KIF25: variants seen among roughly 807,000 people sequenced by gnomAD.
The protein encoded by KIF25 is kinesin family member 25, also known as kinesin-like protein KIF25.
KIF25 carries 19 observed loss-of-function variants against 32.9 expected under a neutral mutation model. The observed-to-expected ratio is 0.58, with a 90% confidence interval of 0.40 to 0.85. KIF25 has a LOEUF of 0.85. KIF25 is among the 40% of genes least tolerant of loss of function. KIF25 has a pLI of 0.00. For missense variants in KIF25, 485 were observed against 507.0 expected (o/e 0.96, Z 0.42); for synonymous variants, 225 against 213.7 (o/e 1.05, Z -0.46).
chr6:168,023,181 C>T (rs1340670078), intron 5 of KIF25, among the ~76,000 whole-genome samples: 1 of 152,108 alleles, frequency 6.6e-6, no homozygotes, highest in Non-Finnish European at 1.5e-5. Context: ...ATTGGTTCCT[C>T]AGCCTGGGTG....
chr6:168,003,457 G>T (rs556557061), intron 3 of KIF25, among the ~76,000 whole-genome samples, 157 bp from the exon 4 acceptor site: 11 of 149,416 alleles, frequency 7.4e-5, no homozygotes, highest in South Asian at 4.2e-4. Flanking sequence ...CAGAGACAGA[G>T]ATGATGGCAG....
At chr6:168,008,067 G>A (rs1408063885) in intron 4 of KIF25, among the ~76,000 whole-genome samples, 2 of 152,048 alleles carry the variant, frequency 1.3e-5, no homozygotes, top group African/African-American at 4.8e-5. Flanking sequence ...TATGGATTTG[G>A]CCTACCTTAT....
At chr6:168,044,796 C>G (rs1028586797) in intron 12 of KIF25, 31 bp from the exon 13 acceptor site, 2 of 1,555,118 alleles carry the variant, frequency 1.3e-6, no homozygotes, top group Non-Finnish European at 1.7e-6. Flanking sequence ...GCTCTTCTTT[C>G]CAGCTTGCAT....
chr6:168,027,047 G>T (rs530386032), intron 5 of KIF25, among the ~76,000 whole-genome samples: 180 of 152,290 alleles, frequency 1.2e-3, no homozygotes, highest in African/African-American at 4.1e-3. Context: ...CCAGGAGGCT[G>T]CGCTGAGCTC....
At chr6:168,035,425 T>TGGAACGGCGCGGCGGAGGAGGCG in intron 8 of KIF25, among the ~76,000 whole-genome samples, 1 of 2,322 alleles carries the variant, frequency 4.3e-4, no homozygotes. Context: ...ATGCCGGGGC[T>TGGAACGGCGCGGCGGAGGAGGCG]GGAACGGCGC....
At chr6:168,016,007 G>T (rs1280562595) in intron 4 of KIF25, among the ~76,000 whole-genome samples, 1 of 152,186 alleles carries the variant, frequency 6.6e-6, no homozygotes, top group Non-Finnish European at 1.5e-5. Context: ...GTGTGTTCCT[G>T]TACGGTTCAT....
At chr6:168,025,700 G>A (rs138883459) in intron 5 of KIF25, among the ~76,000 whole-genome samples, 5 of 152,320 alleles carry the variant, frequency 3.3e-5, no homozygotes, top group Non-Finnish European at 7.3e-5. Flanking sequence ...TGCACCCTTC[G>A]GTTAAAGTGC....
chr6:168,027,908 A>G (rs920074341), intron 5 of KIF25, among the ~76,000 whole-genome samples: 5 of 152,192 alleles, frequency 3.3e-5, no homozygotes, highest in African/African-American at 1.2e-4. Context: ...AGCACTTGAT[A>G]GAACAGAAAT....
intron 5 of KIF25, among the ~76,000 whole-genome samples, chr6:168,024,193 T>A (rs755744276): frequency 6.6e-5 from 10 of 152,226 alleles, no homozygotes; most frequent in African/African-American, 2.4e-4. Context: ...AGAAAAATGA[T>A]ACTTTTTATC....
Position 168,044,902 on chromosome 6 carries a change from T to C in KIF25, c.1061T>C (p.Leu354Pro), listed in dbSNP as rs768743313. 2.5e-6 allele frequency: 4 copies of C among 1,613,154 alleles called. No individual in the cohort carries two copies. The highest frequency in any genetic ancestry group is 3.4e-6 in the Non-Finnish European group (4 of 1,179,342). Residue 354 changes from leucine (L) to proline (P), a missense_variant, in exon 13 of 13, where the codon CTG becomes CCG. By Grantham distance (98) the Leu-to-Pro change is moderately conservative. Coordinates refer to ENST00000643607, the MANE Select transcript of KIF25 (RefSeq NM_030615.4). ...CACCTGGCACAGACGTTGCAGGGCC[T>C]GGGTTTCGGGATCCGAGCTCGGCAA... Reference protein sequence around the residue: ...QRHLAQTLQGLGFGIRARQVQ... With the variant: ...QRHLAQTLQGPGFGIRARQVQ...
At position 168,040,066 on chromosome 6, in the gene KIF25, G is replaced by C; in HGVS notation, c.496G>C (p.Ala166Pro). ...CCCCACTGCTTGCCTTGTCTGTAGGGCTGTCGGCAGCGCCTCGAAACTGAT... is the reference window on the plus strand; with the variant it reads ...CCCCACTGCTTGCCTTGTCTGTAGGCCTGTCGGCAGCGCCTCGAAACTGAT... ...RTEVALLASE[A>P]VGSASKLMEL... Residue 166 changes from alanine (A) to proline (P), a missense_variant and splice_region_variant, in exon 10 of 13, where the codon GCT becomes CCT. Coordinates refer to ENST00000643607, the MANE Select transcript of KIF25 (RefSeq NM_030615.4). 1.9e-6 allele frequency: 3 copies of C among 1,611,714 alleles called. No homozygotes were observed. Among genetic ancestry groups the C allele is most frequent in the Non-Finnish European group, 2.5e-6 (3 of 1,178,832 alleles).
intron 4 of KIF25, among the ~76,000 whole-genome samples, chr6:168,007,272 C>T (rs59667226): frequency 0.018 from 2,773 of 152,068 alleles, 91 homozygotes; most frequent in African/African-American, 0.063. Context: ...ATTAGCTGGG[C>T]GTGGTGGTGG....
At chr6:168,019,519 G>C (rs780113336) in intron 5 of KIF25, among the ~76,000 whole-genome samples, 3 of 152,156 alleles carry the variant, frequency 2.0e-5, no homozygotes, top group Non-Finnish European at 1.5e-5. Flanking sequence ...GAGAAAGACG[G>C]GTGAGCTTGA....
At position 168,033,944 on chromosome 6, in the gene KIF25, G is replaced by C; in HGVS notation, c.230G>C (p.Gly77Ala). The C allele has an allele frequency of 6.2e-7, 1 of 1,614,180 alleles. No homozygotes were observed. The highest frequency in any genetic ancestry group is 8.5e-7 in the Non-Finnish European group (1 of 1,180,036). Residue 77 changes from glycine (G) to alanine (A), a missense_variant, in exon 8 of 13, where the codon GGA becomes GCA. By Grantham distance (60) the Gly-to-Ala change is moderately conservative (BLOSUM62 0). Transcript: ENST00000643607. ...AGCGGAAAGAGCTATACCATGCTGG[G>C]ACGCCATTCGGACGACGGCCCTGTT... ...TGSGKSYTML[G>A]RHSDDGPVLP...
At chr6:168,030,635 A>T (rs1281859095) in intron 6 of KIF25, 138 bp from the exon 7 acceptor site, 3 of 592,518 alleles carry the variant, frequency 5.1e-6, no homozygotes, top group Non-Finnish European at 9.0e-6. Flanking sequence ...ACACAGATTA[A>T]TCTTTTGTTG....
intron 8 of KIF25, 34 bp downstream of exon 8, chr6:168,034,065 T>C (rs751393563): frequency 6.2e-7 from 1 of 1,607,964 alleles, no homozygotes; most frequent in Admixed American, 1.7e-5. Context: ...GGCAGAGAAA[T>C]ATGGCAGGGA....
At chr6:168,002,807 A>G (rs944227310) in intron 3 of KIF25, 148 bp downstream of exon 3, 1 of 152,294 alleles carries the variant, frequency 6.6e-6, no homozygotes, top group Non-Finnish European at 1.5e-5. Flanking sequence ...AATCAGTAGG[A>G]GCCTTGAGCT....
chr6:168,030,933 C>A, intron 7 of KIF25, 86 bp downstream of exon 7: 2 of 1,097,906 alleles, frequency 1.8e-6, no homozygotes, highest in Admixed American at 2.0e-5. Flanking sequence ...GAGAATGTAG[C>A]ATTAGAGTCT....
intron 4 of KIF25, among the ~76,000 whole-genome samples, chr6:168,015,721 TG>T: frequency 6.6e-6 from 1 of 152,344 alleles, no homozygotes; most frequent in Admixed American, 6.5e-5. Context: ...GGAGGGTTTT[TG>T]GACAGGCAGG....
Sources: allele counts gnomAD v4.1 joint callset (sites outside exome capture counted in the v4.1 genomes callset), GRCh38; gene constraint gnomAD v4.1.1; transcripts MANE v1.5; gene names NCBI Gene and HGNC (gene_info 2026-07-23, HGNC 2026-07-21).